Variants in UBE2V2 observed in about 807,000 individuals in gnomAD.
The protein encoded by UBE2V2 is ubiquitin conjugating enzyme E2 V2.
Under a neutral mutation model 17.2 loss-of-function variants are expected in UBE2V2, and 9 were observed. That is an observed-to-expected ratio of 0.52 (90% CI 0.32 to 0.91). The LOEUF (loss-of-function observed/expected upper bound fraction) is 0.91. Among genes scored for constraint, UBE2V2 ranks in the 40% least tolerant of loss-of-function variants. The probability of loss-of-function intolerance (pLI) is 0.04; values close to 1 mark genes in which losing one functional copy is unlikely to be tolerated. For missense variants in UBE2V2, 133 were observed against 182.6 expected (o/e 0.73, Z 1.56); for synonymous variants, 61 against 57.5 (o/e 1.06, Z -0.28).
Position 48,043,148 on chromosome 8 carries a change from A to T in UBE2V2, c.132A>T (p.Thr44=), listed in dbSNP as rs1287945198. 5 of 1,582,436 alleles carry T rather than the reference A, an allele frequency of 3.2e-6. No homozygotes were observed. Among genetic ancestry groups the T allele is most frequent in the Non-Finnish European group, 4.3e-6 (5 of 1,161,752 alleles). ...GLEDDEDMTL[T]RWTGMIIGPP... is the part of the protein sequence containing the mutation. Reference sequence around the variant, plus strand: ...AAGATGATGAAGATATGACACTTACAAGGTGGACAGGCATGATTATTGGGC... The same window carrying T: ...AAGATGATGAAGATATGACACTTACTAGGTGGACAGGCATGATTATTGGGC... Residue 44 remains threonine (T), a synonymous_variant, in exon 2 of 4, where the codon ACA becomes ACT. Transcript: ENST00000523111.
upstream of UBE2V2, among the ~76,000 whole-genome samples, chr8:48,007,093 T>C (rs1457304694): frequency 6.6e-6 from 1 of 151,798 alleles, no homozygotes; most frequent in Non-Finnish European, 1.5e-5. Flanking sequence ...TTTCACTGTG[T>C]TAGCCAAGAT....
intron 2 of UBE2V2, among the ~76,000 whole-genome samples, chr8:48,047,286 A>G (rs1378591547): frequency 2.0e-5 from 3 of 152,120 alleles, no homozygotes; most frequent in Admixed American, 2.0e-4. Context: ...TTGGATTTAT[A>G]TGATTAGCAG....
chr8:47,999,587 C>T, the UBE2V2 span, among the ~76,000 whole-genome samples: 1 of 152,010 alleles, frequency 6.6e-6, no homozygotes, highest in South Asian at 2.1e-4. Flanking sequence ...GTCTTGATCT[C>T]CTGACCTTGT....
At chr8:48,035,737 C>CT (rs398095768) in intron 1 of UBE2V2, among the ~76,000 whole-genome samples, 1 of 34 alleles carries the variant, frequency 0.029, no homozygotes, top group South Asian at 0.5. Flanking sequence ...GCCTCAGCCT[C>CT]GCAGGAGCTG....
chr8:48,026,669 A>ATG (rs2091348540), intron 1 of UBE2V2, among the ~76,000 whole-genome samples: 1 of 151,930 alleles, frequency 6.6e-6, no homozygotes. Flanking sequence ...TTTATATATT[A>ATG]TGTGGTCTTT....
At position 48,020,405 on chromosome 8, in the gene UBE2V2, G is replaced by A. The variant is rs142808321; in HGVS notation, c.16+11935G>A. Among the ~76,000 whole-genome samples the A allele has an allele frequency of 3.2e-3, 483 of 152,124 alleles. 2 individuals carry two copies. The highest frequency in any genetic ancestry group is 0.011 in the African/African-American group (450 of 41,500). On this transcript the variant is annotated intron_variant, in intron 1 of 3. Coordinates refer to ENST00000523111, the MANE Select transcript of UBE2V2 (RefSeq NM_003350.3). ...ACATGTGTCCGTACAGGTGAGGTGA[G>A]TCTTTTATTGGCAGCATATAGTTGG... is the stretch of plus-strand genomic sequence containing the variant.
At chr8:48,034,612 G>A (rs1424260981) in intron 1 of UBE2V2, among the ~76,000 whole-genome samples, 1 of 143,206 alleles carries the variant, frequency 7.0e-6, no homozygotes, top group Non-Finnish European at 1.5e-5. Flanking sequence ...TATAATTCAT[G>A]TAGTTTAAAA....
At chr8:48,011,956 A>G (rs957514966) in intron 1 of UBE2V2, among the ~76,000 whole-genome samples, 1 of 152,140 alleles carries the variant, frequency 6.6e-6, no homozygotes, top group African/African-American at 2.4e-5. Context: ...CCAGACGGAG[A>G]CTTCTAAGCA....
intron 1 of UBE2V2, among the ~76,000 whole-genome samples, chr8:48,041,557 G>T (rs1376444039): frequency 6.6e-6 from 1 of 152,076 alleles, no homozygotes; most frequent in Non-Finnish European, 1.5e-5. Context: ...AAAATATTTA[G>T]TAAACCCATT....
chr8:48,058,255 T>C (rs1445571624), intron 3 of UBE2V2, among the ~76,000 whole-genome samples: 3 of 150,580 alleles, frequency 2.0e-5, no homozygotes, highest in Non-Finnish European at 4.4e-5. Context: ...GATCATGAGG[T>C]CAGGAGTTCG....
chr8:48,040,643 GT>G (rs2091455058), intron 1 of UBE2V2, among the ~76,000 whole-genome samples: 1 of 151,494 alleles, frequency 6.6e-6, no homozygotes, highest in Admixed American at 6.6e-5. Context: ...TTTTTGTTTT[GT>G]TTTTGTTTTT....
upstream of UBE2V2, among the ~76,000 whole-genome samples, chr8:48,006,888 T>A (rs556559615): frequency 1.3e-5 from 2 of 152,060 alleles, no homozygotes; most frequent in Admixed American, 6.6e-5. Context: ...TATTTTTTTT[T>A]ATTTTGAGAT....
Position 48,012,520 on chromosome 8 carries a change from A to G in UBE2V2, c.16+4050A>G, listed in dbSNP as rs890904255. On this transcript the variant is annotated intron_variant, in intron 1 of 3. Transcript: ENST00000523111. Reference sequence around the variant, plus strand: ...GATTACCTGAGGTCGGGAGGTTGAGACCAGCTGGACCAACATGGAGAAACC... The same window carrying G: ...GATTACCTGAGGTCGGGAGGTTGAGGCCAGCTGGACCAACATGGAGAAACC... 1.2e-4 allele frequency among the ~76,000 whole-genome samples: 18 copies of G among 152,194 alleles called. No individual in the cohort carries two copies. The East Asian group carries it at 1.6e-3, about 13-fold the overall frequency.
At chr8:48,005,171 C>T (rs1372659250), upstream of UBE2V2, among the ~76,000 whole-genome samples, 5 of 152,040 alleles carry the variant, frequency 3.3e-5, no homozygotes, top group East Asian at 9.7e-4. Context: ...CCTCCCCTAG[C>T]CCCCAACCCC....
intron 1 of UBE2V2, among the ~76,000 whole-genome samples, chr8:48,029,222 A>T (rs564677077): frequency 2.0e-5 from 3 of 152,194 alleles, no homozygotes; most frequent in Non-Finnish European, 2.9e-5. Flanking sequence ...CCAGCTCCTC[A>T]GGAGGCTAAG....
chr8:48,016,323 T>G (rs1170950058), intron 1 of UBE2V2, among the ~76,000 whole-genome samples: 2 of 152,216 alleles, frequency 1.3e-5, no homozygotes, highest in Non-Finnish European at 2.9e-5. Context: ...TGGCTATATA[T>G]GCAGTAGCAG....
At chr8:48,038,586 C>G (rs1198847301) in intron 1 of UBE2V2, among the ~76,000 whole-genome samples, 9 of 151,940 alleles carry the variant, frequency 5.9e-5, no homozygotes, top group African/African-American at 1.9e-4. Flanking sequence ...TCAGGTGATT[C>G]TCCTGCCTCA....
At chr8:48,018,832 G>T (rs564888312) in intron 1 of UBE2V2, among the ~76,000 whole-genome samples, 3 of 152,282 alleles carry the variant, frequency 2.0e-5, no homozygotes, top group African/African-American at 7.2e-5. Flanking sequence ...GTGCTTTGAT[G>T]TTGGGTGCAT....
chr8:48,035,948 CTTTTTTTTTT>C (rs780718248), intron 1 of UBE2V2, among the ~76,000 whole-genome samples: 3 of 121,710 alleles, frequency 2.5e-5, no homozygotes, highest in African/African-American at 9.3e-5. Flanking sequence ...CCTTGCCTTT[CTTTTTTTTTT>C]TTTTTTTTTT....
Sources: gnomAD v4.1 joint callset for allele counts (sites outside exome capture counted in the v4.1 genomes callset) on GRCh38, gnomAD v4.1.1 for gene constraint, MANE v1.5 for transcripts, NCBI Gene and HGNC (gene_info 2026-07-23, HGNC 2026-07-21) for gene names.